Variants in XKR6 observed in about 807,000 individuals in gnomAD.
The protein encoded by XKR6 is XK related 6.
XKR6 carries 22 observed loss-of-function variants against 56.7 expected under a neutral mutation model. The ratio of observed to expected loss-of-function variants is 0.39; its 90% CI spans 0.28 to 0.55. The LOEUF (loss-of-function observed/expected upper bound fraction) is 0.55. Among genes scored for constraint, XKR6 ranks in the 20% least tolerant of loss-of-function variants. XKR6 has a pLI of 0.66. For synonymous variants in XKR6, 524 were observed against 387.8 expected (o/e 1.35, Z -4.13); for missense variants, 852 against 889.0 (o/e 0.96, Z 0.53).
At chr8:10,910,772 G>T (rs1430042670) in intron 2 of XKR6, among the ~76,000 whole-genome samples, 1 of 152,206 alleles carries the variant, frequency 6.6e-6, no homozygotes, top group African/African-American at 2.4e-5. Flanking sequence ...TTAAGATTCT[G>T]TCAGGGATCT....
chr8:11,161,868 AAAG>A lies in XKR6; in HGVS notation c.764+38705_764+38707del, dbSNP rs559420669. Among the ~76,000 whole-genome samples, 4 of 152,186 alleles carry A rather than the reference AAAG, an allele frequency of 2.6e-5. No individual in the cohort carries two copies. The South Asian group carries it at 8.3e-4, about 32-fold the overall frequency. On this transcript the variant is annotated intron_variant, in intron 1 of 2. Transcript: ENST00000416569. ...GGCTTCACTGAAAAAGACGGAAATG[AAAG>A]AAGGGTTAGCTTGCCTTTCTAAAGA...
chr8:10,986,001 G>C lies in XKR6; in HGVS notation c.765-61171C>G, dbSNP rs75012999. On this transcript the variant is annotated intron_variant, in intron 1 of 2. Transcript: ENST00000416569. ...TTTAGAAAATTTCTGAAAAATATAG[G>C]AGAGAAGGAGACTACTAATAGATGA... is the stretch of plus-strand genomic sequence containing the variant. Among the ~76,000 whole-genome samples, 1,341 of 152,322 alleles carry C rather than the reference G, an allele frequency of 8.8e-3. 14 individuals carry two copies. The highest frequency in any genetic ancestry group is 0.03 in the African/African-American group (1,263 of 41,564).
chr8:10,905,472 G>A (rs559084097), intron 2 of XKR6, among the ~76,000 whole-genome samples: 175 of 152,290 alleles, frequency 1.1e-3, no homozygotes, highest in African/African-American at 3.9e-3. Context: ...TGAGGAGACC[G>A]AAACAGCAGT....
chr8:11,147,343 A>T (rs1801034785), intron 1 of XKR6, among the ~76,000 whole-genome samples: 2 of 152,200 alleles, frequency 1.3e-5, no homozygotes, highest in African/African-American at 4.8e-5. Flanking sequence ...ATGTGCATGA[A>T]ATCTCAACGG....
chr8:11,077,468 C>A (rs1800304072), intron 1 of XKR6, among the ~76,000 whole-genome samples: 1 of 152,130 alleles, frequency 6.6e-6, no homozygotes, highest in South Asian at 2.1e-4. Context: ...CCTCAGTGAA[C>A]AGTTCCTCTC....
chr8:10,977,680 C>A (rs776338196), intron 1 of XKR6, among the ~76,000 whole-genome samples: 2 of 149,468 alleles, frequency 1.3e-5, no homozygotes, highest in African/African-American at 2.5e-5. Flanking sequence ...AGGTCTATCA[C>A]GGAGGTGGGT....
At chr8:11,009,140 T>C (rs1411292182) in intron 1 of XKR6, among the ~76,000 whole-genome samples, 6 of 152,056 alleles carry the variant, frequency 3.9e-5, no homozygotes, top group Non-Finnish European at 8.8e-5. Context: ...TAGCTAATCA[T>C]TCCATAGTCA....
chr8:11,015,015 G>C (rs1052852048), intron 1 of XKR6, among the ~76,000 whole-genome samples: 13 of 152,304 alleles, frequency 8.5e-5, no homozygotes, highest in African/African-American at 2.6e-4. Context: ...CGAAGAAGCA[G>C]ACGTGAGAGG....
At chr8:11,022,400 T>C (rs1247465638) in intron 1 of XKR6, among the ~76,000 whole-genome samples, 2 of 152,080 alleles carry the variant, frequency 1.3e-5, no homozygotes. Flanking sequence ...CCCAAAACTC[T>C]CTTGCTGTTC....
chr8:11,103,692 G>A (rs1245045142), intron 1 of XKR6, among the ~76,000 whole-genome samples: 1 of 152,122 alleles, frequency 6.6e-6, no homozygotes, highest in Non-Finnish European at 1.5e-5. Flanking sequence ...TGCTTTGGAG[G>A]GAGACTGAGA....
chr8:10,985,638 A>G (rs1797845459), intron 1 of XKR6, among the ~76,000 whole-genome samples: 1 of 152,036 alleles, frequency 6.6e-6, no homozygotes, highest in Non-Finnish European at 1.5e-5. Context: ...CAAAACAAAA[A>G]ACAACAAAAA....
At chr8:10,944,040 C>T (rs1801462817) in intron 1 of XKR6, among the ~76,000 whole-genome samples, 2 of 152,122 alleles carry the variant, frequency 1.3e-5, no homozygotes, top group African/African-American at 2.4e-5. Flanking sequence ...TGCACCCAGT[C>T]CCTTAGGAAG....
intron 1 of XKR6, among the ~76,000 whole-genome samples, chr8:11,004,421 G>C (rs776490706): frequency 5.9e-5 from 9 of 152,140 alleles, no homozygotes; most frequent in African/African-American, 1.9e-4. Context: ...GCAGTGAGCC[G>C]AGATCATGAC....
intron 1 of XKR6, among the ~76,000 whole-genome samples, chr8:11,145,037 G>C (rs1416225511): frequency 7.1e-6 from 1 of 140,540 alleles, no homozygotes; most frequent in Admixed American, 6.9e-5. Context: ...GAAAGGGAGA[G>C]AAAGAAGGGA....
At chr8:11,095,466 G>A (rs2129174287) in intron 1 of XKR6, among the ~76,000 whole-genome samples, 1 of 152,336 alleles carries the variant, frequency 6.6e-6, no homozygotes, top group East Asian at 1.9e-4. Flanking sequence ...AGGTAACACT[G>A]ACTTGTGAGA....
At position 10,924,657 on chromosome 8, in the gene XKR6, T is replaced by C. The variant is rs1433499881; in HGVS notation, c.938A>G (p.Lys313Arg). The change falls in exon 2 of 3, where the codon AAG becomes AGG. Residue 313 changes from lysine (K) to arginine (R), a missense_variant. By Grantham distance (26) the Lys-to-Arg change is conservative. Transcript: ENST00000416569. ...LVLQLYIMLQ[K>R]NSAETLPCVS... is the part of the protein sequence containing the mutation. ...ACAGGGCAGGGTCTCGGCGCTGTTC[T>C]TCTGGAGCATGATGTAGAGCTGTAG... The C allele has an allele frequency of 6.2e-7, 1 of 1,609,484 alleles. No individual in the cohort carries two copies.
intron 1 of XKR6, among the ~76,000 whole-genome samples, chr8:10,941,328 C>T (rs1801380860): frequency 6.6e-6 from 1 of 152,220 alleles, no homozygotes; most frequent in Admixed American, 6.5e-5. Flanking sequence ...TAAAGTGATA[C>T]CGCTTAGGAG....
At chr8:11,059,030 C>G (rs1799758938) in intron 1 of XKR6, among the ~76,000 whole-genome samples, 1 of 152,230 alleles carries the variant, frequency 6.6e-6, no homozygotes, top group Non-Finnish European at 1.5e-5. Flanking sequence ...AATAGCGGCC[C>G]AAGCCCTTGG....
intron 1 of XKR6, chr8:11,067,170 G>A (rs1316995852): frequency 2.6e-5 from 4 of 152,364 alleles, no homozygotes; most frequent in African/African-American, 4.8e-5. Flanking sequence ...TGTCTGACGC[G>A]GGCATCTGAG....
Sources: gnomAD v4.1 joint callset for allele counts (sites outside exome capture counted in the v4.1 genomes callset) on GRCh38, gnomAD v4.1.1 for gene constraint, MANE v1.5 for transcripts, NCBI Gene and HGNC (gene_info 2026-07-23, HGNC 2026-07-21) for gene names.